Variants in MIPEP observed in about 807,000 individuals in gnomAD.
The protein encoded by MIPEP is mitochondrial intermediate peptidase.
MIPEP carries 79 observed loss-of-function variants against 90.3 expected under a neutral mutation model. The ratio of observed to expected loss-of-function variants is 0.87; its 90% CI spans 0.73 to 1.05. The LOEUF (loss-of-function observed/expected upper bound fraction) is 1.05, where lower values mean the gene tolerates loss of function less well. Ranked by LOEUF, MIPEP falls within the 50% of genes least tolerant of loss-of-function variation. MIPEP has a pLI of 0.00. For synonymous variants in MIPEP, 334 were observed against 315.8 expected (o/e 1.06, Z -0.61); for missense variants, 940 against 905.6 (o/e 1.04, Z -0.49).
intron 14 of MIPEP, among the ~76,000 whole-genome samples, chr13:23,832,254 G>A (rs1341564945): frequency 6.6e-6 from 1 of 152,178 alleles, no homozygotes; most frequent in Non-Finnish European, 1.5e-5. Context: ...CTCGCCATGT[G>A]AGGCCCTGAG....
chr13:23,795,765 G>A (rs1388214500), intron 16 of MIPEP, among the ~76,000 whole-genome samples: 2 of 151,700 alleles, frequency 1.3e-5, no homozygotes, highest in Non-Finnish European at 2.9e-5. Flanking sequence ...TGAGGTAGGA[G>A]GACCACTTGA....
intron 18 of MIPEP, among the ~76,000 whole-genome samples, chr13:23,736,844 A>G (rs144267136): frequency 2.6e-5 from 4 of 152,102 alleles, no homozygotes; most frequent in African/African-American, 9.7e-5. Context: ...CTTAAAACAC[A>G]CCTTGAGACA....
chr13:23,793,177 C>T (rs1253308477), intron 16 of MIPEP, among the ~76,000 whole-genome samples: 2 of 152,164 alleles, frequency 1.3e-5, no homozygotes, highest in Admixed American at 6.5e-5. Flanking sequence ...CTGGAAATAA[C>T]TCAAATGTCC....
At chr13:23,831,266 G>T (rs1227317622) in intron 14 of MIPEP, among the ~76,000 whole-genome samples, 1 of 151,514 alleles carries the variant, frequency 6.6e-6, no homozygotes, top group Non-Finnish European at 1.5e-5. Flanking sequence ...CTAGGGCACA[G>T]ACAAATAGAT....
At chr13:23,801,176 CT>C (rs1953035020) in intron 16 of MIPEP, among the ~76,000 whole-genome samples, 1 of 152,354 alleles carries the variant, frequency 6.6e-6, no homozygotes, top group South Asian at 2.1e-4. Context: ...CACTGTCACT[CT>C]TTGGCCCGCA....
At chr13:23,834,247 G>T (rs1329445618) in intron 14 of MIPEP, among the ~76,000 whole-genome samples, 1 of 152,150 alleles carries the variant, frequency 6.6e-6, no homozygotes, top group Non-Finnish European at 1.5e-5. Context: ...TGATTTTCTT[G>T]AAGTAAAAAT....
At position 23,872,393 on chromosome 13, in the gene MIPEP, G is replaced by A. The variant is rs192667722; in HGVS notation, c.604-2198C>T. ...GAAGAATCGCTTGAACCCGGGAGGC[G>A]GAGGTTGCGGTGAGCCAAGATTGCC... On this transcript the variant is annotated intron_variant, in intron 5 of 18. Transcript: ENST00000382172. Among the ~76,000 whole-genome samples, 337 of 152,308 alleles carry A rather than the reference G, an allele frequency of 2.2e-3. 2 individuals carry two copies. The highest frequency in any genetic ancestry group is 7.6e-3 in the African/African-American group (318 of 41,572).
At chr13:23,741,504 A>T (rs1952328293) in intron 18 of MIPEP, among the ~76,000 whole-genome samples, 2 of 152,118 alleles carry the variant, frequency 1.3e-5, no homozygotes, top group South Asian at 4.1e-4. Context: ...AAAAAATGAG[A>T]TCACATCTTT....
At chr13:23,812,793 A>G (rs1373924173) in intron 14 of MIPEP, among the ~76,000 whole-genome samples, 2 of 152,188 alleles carry the variant, frequency 1.3e-5, no homozygotes, top group African/African-American at 2.4e-5. Context: ...ATTTATAACT[A>G]TTTCAAAATA....
Position 23,875,851 on chromosome 13 carries a change from A to G in MIPEP, c.540-942T>C, listed in dbSNP as rs75059312. On this transcript the variant is annotated intron_variant, in intron 4 of 18. Coordinates refer to ENST00000382172, the MANE Select transcript of MIPEP (RefSeq NM_005932.4). ...ACTTTTAATGTTATATTATATATTTAGAATAATTAAGGCCCAACTGTATAT... is the reference window on the plus strand; with the variant it reads ...ACTTTTAATGTTATATTATATATTTGGAATAATTAAGGCCCAACTGTATAT... 8.7e-3 allele frequency among the ~76,000 whole-genome samples: 1,318 copies of G among 152,282 alleles called. 9 individuals are homozygous for G. Among genetic ancestry groups the G allele is most frequent in the Non-Finnish European group, 0.014 (939 of 68,012 alleles).
chr13:23,752,029 T>C (rs1952447041), intron 18 of MIPEP, among the ~76,000 whole-genome samples: 1 of 151,926 alleles, frequency 6.6e-6, no homozygotes, highest in African/African-American at 2.4e-5. Flanking sequence ...CATGTCAGAA[T>C]GTAAGGATCA....
Position 23,852,014 on chromosome 13 carries a change from A to G in MIPEP, c.1106+6846T>C, listed in dbSNP as rs146377787. 2.7e-3 allele frequency among the ~76,000 whole-genome samples: 405 copies of G among 152,376 alleles called. 1 individual carries two copies. The highest frequency in any genetic ancestry group is 4.5e-3 in the Non-Finnish European group (307 of 68,040). ...GAGGAACTAGTGAAATGATGCCACA[A>G]GGAAGCACACAGATAAATCCAGAAA... On this transcript the variant is annotated intron_variant, in intron 10 of 18. Coordinates refer to ENST00000382172, the MANE Select transcript of MIPEP (RefSeq NM_005932.4).
At chr13:23,756,844 C>T (rs1302237815) in intron 17 of MIPEP, 2 of 541,088 alleles carry the variant, frequency 3.7e-6, no homozygotes, top group African/African-American at 1.9e-5. Flanking sequence ...GATAACTATA[C>T]TTTTGGCTAT....
intron 16 of MIPEP, among the ~76,000 whole-genome samples, chr13:23,793,430 G>A (rs1385476484): frequency 1.3e-5 from 2 of 152,192 alleles, no homozygotes; most frequent in African/African-American, 4.8e-5. Flanking sequence ...AACTGCAGAT[G>A]TATATATTTT....
chr13:23,879,391 T>G, intron 3 of MIPEP, 37 bp from the exon 4 acceptor site: 1 of 1,073,698 alleles, frequency 9.3e-7, no homozygotes, highest in Non-Finnish European at 1.4e-6. Context: ...TAGATGATTT[T>G]CTAATACCTT....
At chr13:23,790,271 C>T (rs1394670476) in intron 16 of MIPEP, among the ~76,000 whole-genome samples, 1 of 152,206 alleles carries the variant, frequency 6.6e-6, no homozygotes, top group Admixed American at 6.5e-5. Flanking sequence ...CCTTCTCACT[C>T]ACTCCTTGAA....
At chr13:23,745,800 C>T (rs1462878919) in intron 18 of MIPEP, among the ~76,000 whole-genome samples, 4 of 151,698 alleles carry the variant, frequency 2.6e-5, no homozygotes, top group South Asian at 2.1e-4. Context: ...TGGTGGTGGG[C>T]GCCCGTAATC....
At chr13:23,859,741 C>T (rs1419863738) in intron 9 of MIPEP, among the ~76,000 whole-genome samples, 1 of 152,206 alleles carries the variant, frequency 6.6e-6, no homozygotes, top group African/African-American at 2.4e-5. Flanking sequence ...GCTGAATGTA[C>T]TTAAACTATT....
intron 16 of MIPEP, among the ~76,000 whole-genome samples, chr13:23,792,234 C>G (rs1952904349): frequency 1.3e-5 from 2 of 152,192 alleles, no homozygotes; most frequent in Non-Finnish European, 2.9e-5. Flanking sequence ...GTGGGGATGA[C>G]TCCAAATGGG....
Sources: gnomAD v4.1 joint callset for allele counts (sites outside exome capture counted in the v4.1 genomes callset) on GRCh38, gnomAD v4.1.1 for gene constraint, MANE v1.5 for transcripts, NCBI Gene and HGNC (gene_info 2026-07-23, HGNC 2026-07-21) for gene names.